Variants in KLK11 observed in about 807,000 individuals in gnomAD.
The protein encoded by KLK11 is kallikrein related peptidase 11.
KLK11 carries 10 observed loss-of-function variants against 23.4 expected under a neutral mutation model. That is an observed-to-expected ratio of 0.43 (90% CI 0.26 to 0.73). The LOEUF (loss-of-function observed/expected upper bound fraction) is 0.73. Ranked by LOEUF, KLK11 falls within the 30% of genes least tolerant of loss-of-function variation. The pLI is 0.22. For missense variants in KLK11, 285 were observed against 327.8 expected, an observed-to-expected ratio of 0.87 and a Z score of 1.01; for synonymous variants, 131 against 131.7, an observed-to-expected ratio of 0.99 and a Z score of 0.03.
At position 51,024,803 on chromosome 19, in the gene KLK11, G is replaced by T; in HGVS notation, c.41-9C>A. 1 of 1,555,154 alleles carries T rather than the reference G, an allele frequency of 6.4e-7. No homozygotes were observed. Among genetic ancestry groups the T allele is most frequent in the Non-Finnish European group, 8.6e-7 (1 of 1,158,684 alleles). On this transcript the variant is annotated splice_polypyrimidine_tract_variant and intron_variant, in intron 2 of 5. Transcript: ENST00000453757. The surrounding 1 kb of genome is among the most constrained non-coding windows in gnomAD (Gnocchi z 6.2). ...CTCTCCCCCTACAAGCCCTGGAGGGGGTGAGAGCAAAAGAAGGGGCTCAGG... is the reference window on the plus strand; with the variant it reads ...CTCTCCCCCTACAAGCCCTGGAGGGTGTGAGAGCAAAAGAAGGGGCTCAGG...
At chr19:51,023,643 C>T (rs972576067) in intron 4 of KLK11, 5 of 216,824 alleles carry the variant, frequency 2.3e-5, no homozygotes, top group African/African-American at 9.2e-5. Flanking sequence ...CCTCGGCCTC[C>T]CAAAGTGCTG....
At chr19:51,027,450 C>T, upstream of KLK11, 5 of 1,613,796 alleles carry the variant, frequency 3.1e-6, no homozygotes, top group Non-Finnish European at 4.2e-6. Context: ...TCCAGCTGTT[C>T]ACTTACTGGC....
intron 4 of KLK11, 156 bp from the exon 5 acceptor site, chr19:51,023,384 C>CT (rs780238378): frequency 0.33 from 158,465 of 479,994 alleles, 15,890 homozygotes; most frequent in African/African-American, 0.53. Context: ...TGCTATCCAG[C>CT]TTTTTTTTTT....
At chr19:51,027,590 T>G, upstream of KLK11, 1 of 1,570,086 alleles carries the variant, frequency 6.4e-7, no homozygotes, top group South Asian at 1.1e-5. Context: ...CCCTTGGCTT[T>G]CCTCCCCTCT....
At position 51,022,789 on chromosome 19, in the gene KLK11, C is replaced by T. The variant is rs566955381; in HGVS notation, c.601-92G>A. The stretch of plus-strand genomic sequence containing the variant: ...TGGGGACGGTGCTTAGGAGTGGGGC[C>T]GAGACAGGATGGGTAGGCACTGGGA... On this transcript the variant is annotated intron_variant, in intron 5 of 5. Coordinates refer to ENST00000453757, the MANE Select transcript of KLK11 (RefSeq NM_001136032.3). The T allele has an allele frequency of 2.1e-5, 29 of 1,399,422 alleles. No individual in the cohort carries two copies. In the East Asian group the frequency reaches 3.4e-4, roughly 17 times the overall value. 86.7% of individuals were successfully genotyped at this position (1,399,422 alleles called of 1,614,324 possible). A position where few individuals can be genotyped will look rare whatever the true frequency, so the allele number is the denominator to read the frequency against.
At position 51,024,684 on chromosome 19, in the gene KLK11, G is replaced by A; in HGVS notation, c.151C>T (p.Leu51Phe). 1 of 1,601,126 alleles carries A rather than the reference G, an allele frequency of 6.2e-7. No homozygotes were observed. Among genetic ancestry groups the A allele is most frequent in the East Asian group, 2.3e-5 (1 of 44,424 alleles). The change falls in exon 3 of 6, where the codon CTC (leucine) becomes TTC (phenylalanine). Residue 51 changes from leucine to phenylalanine, a missense_variant. Leu to Phe is a conservative substitution (Grantham distance 22). Coordinates refer to ENST00000453757, the MANE Select transcript of KLK11 (RefSeq NM_001136032.3). This position sits in a 1 kb window ranked among gnomAD's most constrained non-coding sequence, Gnocchi z 6.2. Reference protein sequence around the residue: ...EKTRLLCGATLIAPRWLLTAA... With the variant: ...EKTRLLCGATFIAPRWLLTAA... ...GTCAGGAGCCATCTGGGGGCGATGA[G>A]CGTCGCCCCACAGAGTAGCCGCGTC...
At chr19:51,022,813 G>GA in intron 5 of KLK11, 116 bp from the exon 6 acceptor site, 1 of 1,181,876 alleles carries the variant, frequency 8.5e-7, no homozygotes, top group Non-Finnish European at 1.2e-6. Context: ...TAGGCACTGG[G>GA]AAAGGTGATA....
At chr19:51,023,336 C>A (rs1366576339) in intron 4 of KLK11, 108 bp from the exon 5 acceptor site, 6 of 1,352,166 alleles carry the variant, frequency 4.4e-6, no homozygotes, top group African/African-American at 1.5e-5. Context: ...TTAGACGCAG[C>A]CAACTCACCT....
chr19:51,027,403 C>T (rs2091502269), upstream of KLK11: 3 of 1,577,166 alleles, frequency 1.9e-6, no homozygotes, highest in South Asian at 2.2e-5. Context: ...CTGACCCTTC[C>T]CCTGCCCGCT....
At chr19:51,023,960 G>A (rs2569455) in intron 4 of KLK11, 85 bp downstream of exon 4, 33 of 1,113,592 alleles carry the variant, frequency 3.0e-5, no homozygotes, top group South Asian at 1.2e-4. Context: ...ACTGTGAACC[G>A]CATCTCTGAT....
upstream of KLK11, chr19:51,026,988 T>C (rs11673638): frequency 0.33 from 52,036 of 158,734 alleles, 9,052 homozygotes; most frequent in African/African-American, 0.44. Context: ...CCTGTCTCCA[T>C]CTCCACTCTT....
Position 51,024,058 on chromosome 19 carries a change from C to A in KLK11, c.450G>T (p.Thr150=), listed in dbSNP as rs369654018. The A allele has an allele frequency of 1.3e-6, 2 of 1,543,320 alleles. No homozygotes were observed. The highest frequency in any genetic ancestry group is 2.5e-5 in the South Asian group (2 of 78,892). Reference sequence around the variant, plus strand: ...TGGTGCTCCTACACTGGGGGCTGGACGTGCTGCCCCAGCCGGAAATGAGGC... The same window carrying A: ...TGGTGCTCCTACACTGGGGGCTGGAAGTGCTGCCCCAGCCGGAAATGAGGC... ...TSCLISGWGS[T]SSPQLRLPHT... is the part of the protein sequence containing the mutation. Residue 150 remains threonine (T), a synonymous_variant, in exon 4 of 6, where the codon ACG becomes ACT. Transcript: ENST00000453757. This position sits in a 1 kb window ranked among gnomAD's most constrained non-coding sequence, Gnocchi z 6.2.
rs2122561605 is a variant in KLK11 at position 51,025,885 on chromosome 19, C to T, written c.-35-219G>A. On this transcript the variant is annotated intron_variant, in intron 1 of 5. Coordinates refer to ENST00000453757, the MANE Select transcript of KLK11 (RefSeq NM_001136032.3). This position sits in a 1 kb window ranked among gnomAD's most constrained non-coding sequence, Gnocchi z 6.2. ...GGCCTTGGAGAGGGCCTGGTCACAG[C>T]TAGAAGCTTCCGAGATACCAAGAAC... The T allele has an allele frequency of 2.5e-6, 1 of 398,576 alleles. No homozygotes were observed. The highest frequency in any genetic ancestry group is 6.4e-5 in the South Asian group (1 of 15,548). The allele number at this position is 398,576 out of a possible 1,614,324, so 24.7% of individuals were successfully genotyped here.
In KLK11 at chr19:51,025,955, T is replaced by C. The variant is rs2091480070; in HGVS notation, c.-35-289A>G. The C allele has an allele frequency of 3.5e-6, 1 of 284,742 alleles. No individual in the cohort carries two copies. Among genetic ancestry groups the C allele is most frequent in the East Asian group, 6.2e-5 (1 of 16,226 alleles). 17.6% of individuals were successfully genotyped at this position (284,742 alleles called of 1,614,324 possible). ...GGGGCTTTGAGCTGTCAAGCCATGG[T>C]TCGGCCCTGTTCAAGTCAGCCATGG... On this transcript the variant is annotated intron_variant, in intron 1 of 5. Coordinates refer to ENST00000453757, the MANE Select transcript of KLK11 (RefSeq NM_001136032.3). This position sits in a 1 kb window ranked among gnomAD's most constrained non-coding sequence, Gnocchi z 6.2.
chr19:51,023,133 C>T lies in KLK11; in HGVS notation c.559G>A (p.Val187Met). ...AYPGNITDTMVCASVQEGGKD... is the reference protein window; with the variant it reads ...AYPGNITDTMMCASVQEGGKD... ...CCCCCTTCCTGCACGCTGGCACACA[C>T]CATGGTGTCTGTGATGTTGCCGGGG... Residue 187 changes from valine (V) to methionine (M), a missense_variant, in exon 5 of 6, where the codon GTG becomes ATG. Coordinates refer to ENST00000453757, the MANE Select transcript of KLK11 (RefSeq NM_001136032.3). 1 of 1,613,018 alleles carries T rather than the reference C, an allele frequency of 6.2e-7. No homozygotes were observed. The highest frequency in any genetic ancestry group is 1.1e-5 in the South Asian group (1 of 90,706).
In KLK11 at chr19:51,025,064, C is replaced by T. The variant is rs1305582437; in HGVS notation, c.41-270G>A. 1.3e-5 allele frequency among the ~76,000 whole-genome samples: 2 copies of T among 152,092 alleles called. No individual in the cohort carries two copies. Among genetic ancestry groups the T allele is most frequent in the African/African-American group, 2.4e-5 (1 of 41,420 alleles). On this transcript the variant is annotated intron_variant, in intron 2 of 5. Coordinates refer to ENST00000453757, the MANE Select transcript of KLK11 (RefSeq NM_001136032.3). This position sits in a 1 kb window ranked among gnomAD's most constrained non-coding sequence, Gnocchi z 6.2. Reference sequence around the variant, plus strand: ...CTTGAGCCCAGGAGTTCTAGATCAGCCTAGGCAAACATAGTGAGACCTCCT... The same window carrying T: ...CTTGAGCCCAGGAGTTCTAGATCAGTCTAGGCAAACATAGTGAGACCTCCT...
intron 4 of KLK11, 147 bp downstream of exon 4, chr19:51,023,898 C>G: frequency 1.5e-6 from 1 of 684,558 alleles, no homozygotes; most frequent in Non-Finnish European, 2.2e-6. Context: ...TTTGTCCCCA[C>G]CCCCCTATCC....
chr19:51,023,384 C>CA (rs2122522824), intron 4 of KLK11, 156 bp from the exon 5 acceptor site: 1 of 483,258 alleles, frequency 2.1e-6, no homozygotes, highest in East Asian at 4.3e-5. Context: ...TGCTATCCAG[C>CA]TTTTTTTTTT....
chr19:51,023,007 G>T (rs1033821464), intron 5 of KLK11, 85 bp downstream of exon 5: 26 of 1,460,306 alleles, frequency 1.8e-5, no homozygotes, highest in Non-Finnish European at 2.3e-5. Context: ...GGCGGGTTGA[G>T]GTTGGGGATG....
Sources: allele counts gnomAD v4.1 joint callset (sites outside exome capture counted in the v4.1 genomes callset), GRCh38; gene constraint gnomAD v4.1.1; non-coding constraint Gnocchi (gnomAD v3.1); transcripts MANE v1.5; gene names NCBI Gene and HGNC (gene_info 2026-07-23, HGNC 2026-07-21).